LDB2: variants seen among roughly 807,000 people sequenced by gnomAD.
LDB2 encodes LIM domain-binding protein 2.
LDB2 carries 12 observed loss-of-function variants against 44.3 expected under a neutral mutation model. The observed-to-expected ratio is 0.27, with a 90% confidence interval of 0.17 to 0.44. The LOEUF is 0.44. LDB2 is among the 20% of genes least tolerant of loss of function. The pLI is 1.00. For missense variants in LDB2, 344 were observed against 473.5 expected (o/e 0.73, Z 2.54); for synonymous variants, 164 against 174.8 (o/e 0.94, Z 0.49).
intron 1 of LDB2, among the ~76,000 whole-genome samples, chr4:16,858,836 T>C (rs1429235633): frequency 6.6e-6 from 1 of 152,246 alleles, no homozygotes; most frequent in Non-Finnish European, 1.5e-5. Flanking sequence ...TACACAATTC[T>C]TTCCGTATCG....
At chr4:16,882,937 A>G (rs1392921102) in intron 1 of LDB2, among the ~76,000 whole-genome samples, 1 of 152,226 alleles carries the variant, frequency 6.6e-6, no homozygotes, top group Non-Finnish European at 1.5e-5. Flanking sequence ...TTTCTAAAAA[A>G]AACTGGTGAT....
chr4:16,512,229 C>A, intron 5 of LDB2, 125 bp from the exon 6 acceptor site: 2 of 924,856 alleles, frequency 2.2e-6, no homozygotes, highest in Non-Finnish European at 1.5e-6. Flanking sequence ...TTTTGATTTT[C>A]TTTATATAAA....
intron 5 of LDB2, among the ~76,000 whole-genome samples, chr4:16,579,307 CT>C (rs573430567): frequency 1.8e-4 from 27 of 152,106 alleles, no homozygotes; most frequent in African/African-American, 6.3e-4. Flanking sequence ...TATACACCTA[CT>C]ATGTACCCTG....
intron 1 of LDB2, among the ~76,000 whole-genome samples, chr4:16,839,455 T>G (rs1341114804): frequency 6.6e-6 from 1 of 152,128 alleles, no homozygotes; most frequent in Non-Finnish European, 1.5e-5. Flanking sequence ...CCTCCATGGC[T>G]CAAACACCTT....
intron 2 of LDB2, among the ~76,000 whole-genome samples, chr4:16,739,095 T>C (rs1442888105): frequency 6.6e-6 from 1 of 152,134 alleles, no homozygotes; most frequent in Non-Finnish European, 1.5e-5. Flanking sequence ...TCAAGTGGGC[T>C]TCTCTTTAAT....
intron 2 of LDB2, among the ~76,000 whole-genome samples, chr4:16,673,784 AC>A (rs1487959875): frequency 6.6e-6 from 1 of 152,212 alleles, no homozygotes; most frequent in African/African-American, 2.4e-5. Context: ...ACCTGCCCCA[AC>A]AAAAAACTAT....
chr4:16,686,394 C>A (rs575682913), intron 2 of LDB2, among the ~76,000 whole-genome samples: 2 of 152,334 alleles, frequency 1.3e-5, no homozygotes, highest in East Asian at 3.9e-4. Context: ...CTTACTGATG[C>A]AGAGGCTGAG....
intron 2 of LDB2, among the ~76,000 whole-genome samples, chr4:16,653,473 A>G (rs1297541707): frequency 6.6e-6 from 1 of 152,186 alleles, no homozygotes; most frequent in Non-Finnish European, 1.5e-5. Context: ...AAAAATGGCA[A>G]AAGTAAGGTG....
At chr4:16,586,853 A>T (rs1419996855) in intron 4 of LDB2, among the ~76,000 whole-genome samples, 1 of 152,192 alleles carries the variant, frequency 6.6e-6, no homozygotes, top group East Asian at 1.9e-4. Context: ...CACTAAACAG[A>T]GGGAGATGGA....
At position 16,560,179 on chromosome 4, in the gene LDB2, A is replaced by T. The variant is rs187051026; in HGVS notation, c.615+25743T>A. On this transcript the variant is annotated intron_variant, in intron 5 of 7. Transcript: ENST00000304523. ...GAACTAGAAAAGCAAGAGCAAACACATTCAAAAGCTAGCAGAAGGCAAGAA... is the reference window on the plus strand; with the variant it reads ...GAACTAGAAAAGCAAGAGCAAACACTTTCAAAAGCTAGCAGAAGGCAAGAA... Among the ~76,000 whole-genome samples the T allele has an allele frequency of 1.4e-3, 220 of 152,324 alleles. 1 individual carries two copies. The highest frequency in any genetic ancestry group is 5.1e-3 in the African/African-American group (213 of 41,582).
intron 2 of LDB2, among the ~76,000 whole-genome samples, chr4:16,613,357 G>A (rs1726209274): frequency 6.6e-6 from 1 of 152,130 alleles, no homozygotes; most frequent in East Asian, 1.9e-4. Context: ...GGAAGTTCTG[G>A]CCAGGGCAAT....
chr4:16,569,941 T>C (rs1407405773), intron 5 of LDB2, among the ~76,000 whole-genome samples: 1 of 152,170 alleles, frequency 6.6e-6, no homozygotes, highest in Admixed American at 6.5e-5. Flanking sequence ...ATCAAGTCTC[T>C]GGAGGAAGAG....
chr4:16,673,558 G>C (rs1745471329), intron 2 of LDB2, among the ~76,000 whole-genome samples: 2 of 152,156 alleles, frequency 1.3e-5, no homozygotes, highest in Admixed American at 1.3e-4. Flanking sequence ...CATCAGATTT[G>C]AGGAACTGTC....
At chr4:16,576,889 C>G (rs1450656638) in intron 5 of LDB2, among the ~76,000 whole-genome samples, 1 of 152,086 alleles carries the variant, frequency 6.6e-6, no homozygotes, top group African/African-American at 2.4e-5. Context: ...TTGTCATGAC[C>G]AAGTGGTAGT....
chr4:16,686,480 T>G (rs1749279134), intron 2 of LDB2, among the ~76,000 whole-genome samples: 1 of 152,222 alleles, frequency 6.6e-6, no homozygotes, highest in Admixed American at 6.5e-5. Context: ...GATTGTGCTC[T>G]TGCTCTTGTG....
At chr4:16,729,745 A>G (rs1248711447) in intron 2 of LDB2, among the ~76,000 whole-genome samples, 1 of 152,124 alleles carries the variant, frequency 6.6e-6, no homozygotes, top group African/African-American at 2.4e-5. Flanking sequence ...AGTGGTTATC[A>G]TTTCTGATCC....
chr4:16,584,554 A>G (rs1354973216), intron 5 of LDB2, among the ~76,000 whole-genome samples: 1 of 152,216 alleles, frequency 6.6e-6, no homozygotes, highest in Non-Finnish European at 1.5e-5. Context: ...TTATGAGACT[A>G]CTTCAGTCAC....
intron 2 of LDB2, among the ~76,000 whole-genome samples, chr4:16,713,364 CTT>C (rs113233590): frequency 8.9e-6 from 1 of 112,650 alleles, no homozygotes; most frequent in Non-Finnish European, 2.0e-5. Flanking sequence ...AATAGTAAAG[CTT>C]TTTTTTTTTT....
chr4:16,793,562 T>C (rs1020526854), intron 1 of LDB2, among the ~76,000 whole-genome samples: 8 of 152,224 alleles, frequency 5.3e-5, no homozygotes, highest in African/African-American at 1.9e-4. Flanking sequence ...GGTTTTTGTC[T>C]TTTAAGCAGC....
Sources: allele counts gnomAD v4.1 joint callset (sites outside exome capture counted in the v4.1 genomes callset), GRCh38; gene constraint gnomAD v4.1.1; transcripts MANE v1.5; gene names NCBI Gene and HGNC (gene_info 2026-07-23, HGNC 2026-07-21).